The following MLKL variants were observed in gnomAD, a reference collection of about 807,000 sequenced individuals.
MLKL encodes mixed lineage kinase domain like pseudokinase.
Under a neutral mutation model 56.5 loss-of-function variants are expected in MLKL, and 55 were observed. The ratio of observed to expected loss-of-function variants is 0.97; its 90% CI spans 0.78 to 1.22. The LOEUF is 1.22. Among genes scored for constraint, MLKL ranks in the 50% most tolerant of loss-of-function variants. The pLI is 0.00. For missense variants in MLKL, 694 were observed against 573.9 expected, an observed-to-expected ratio of 1.21 and a Z score of -2.14; for synonymous variants, 251 against 208.3, an observed-to-expected ratio of 1.20 and a Z score of -1.76.
At chr16:74,687,499 G>A (rs564189904) in intron 4 of MLKL, among the ~76,000 whole-genome samples, 1 of 151,938 alleles carries the variant, frequency 6.6e-6, no homozygotes, top group African/African-American at 2.4e-5. Context: ...GGATAGCCAA[G>A]ACAGTCTTGC....
At chr16:74,693,415 C>T (rs1163009253) in intron 2 of MLKL, among the ~76,000 whole-genome samples, 1 of 133,528 alleles carries the variant, frequency 7.5e-6, no homozygotes, top group Non-Finnish European at 1.5e-5. Context: ...TTGCAGTGAG[C>T]CAAGATCGTG....
At chr16:74,691,205 C>A (rs184688125) in intron 4 of MLKL, 72 bp downstream of exon 4, 1 of 1,406,652 alleles carries the variant, frequency 7.1e-7, no homozygotes, top group Admixed American at 2.2e-5. Flanking sequence ...AAAATGGAGA[C>A]GATATCCCTC....
intron 6 of MLKL, among the ~76,000 whole-genome samples, chr16:74,681,788 C>T (rs1959987455): frequency 6.7e-6 from 1 of 150,368 alleles, no homozygotes; most frequent in Non-Finnish European, 1.5e-5. Flanking sequence ...AGGGAGACTC[C>T]ATCTCAAGAA....
At chr16:74,682,945 T>C (rs1960084427) in intron 5 of MLKL, among the ~76,000 whole-genome samples, 159 bp from the exon 6 acceptor site, 1 of 152,076 alleles carries the variant, frequency 6.6e-6, no homozygotes, top group South Asian at 2.1e-4. Context: ...CCCGGCCTCC[T>C]TGAATGGACC....
chr16:74,682,589 G>C (rs1960046194), intron 6 of MLKL, 62 bp downstream of exon 6: 2 of 1,590,514 alleles, frequency 1.3e-6, no homozygotes, highest in African/African-American at 1.3e-5. Flanking sequence ...CCATCTCTGG[G>C]AGTATCAGGA....
intron 7 of MLKL, chr16:74,678,090 C>G (rs1959714880): frequency 6.6e-6 from 1 of 152,292 alleles, no homozygotes; most frequent in Non-Finnish European, 1.5e-5. Flanking sequence ...GGCTTCTAAG[C>G]CTGGATGACC....
Position 74,685,547 on chromosome 16 carries a change from G to A in MLKL, c.759C>T (p.Thr253=), listed in dbSNP as rs373266467. 4.4e-5 allele frequency: 71 copies of A among 1,613,870 alleles called. No individual in the cohort carries two copies. Among genetic ancestry groups the A allele is most frequent in the Non-Finnish European group, 5.8e-5 (69 of 1,179,934 alleles). The change falls in exon 5 of 11, where the codon ACC becomes ACT. Residue 253 remains threonine (T), a synonymous_variant. Transcript: ENST00000308807. ...TGTTGGGAGATTCGAATTTCTTCAT[G>A]GTTTTGATCTCCTTATTGAAAGTCT... ...VRQTFNKEIK[T]MKKFESPNIL... is the part of the protein sequence containing the mutation.
chr16:74,697,030 C>CAT (rs935234446), intron 1 of MLKL, among the ~76,000 whole-genome samples: 2 of 146,334 alleles, frequency 1.4e-5, no homozygotes, highest in South Asian at 2.1e-4. Context: ...TATAGTAATA[C>CAT]ATATATATAA....
In MLKL at chr16:74,674,167, T is replaced by G. The variant is rs1484381961; in HGVS notation, c.1381+793A>C. 3.3e-5 allele frequency among the ~76,000 whole-genome samples: 5 copies of G among 151,216 alleles called. No individual in the cohort carries two copies. The South Asian group carries it at 8.4e-4, about 25-fold the overall frequency. On this transcript the variant is annotated intron_variant, in intron 10 of 10. Transcript: ENST00000308807. ...TGTTGAATAGCATTCTTTTTTTTTT[T>G]TTTTTGAGATGGAGTCTTGCCCTGT... is the stretch of plus-strand genomic sequence containing the variant.
At position 74,692,361 on chromosome 16, in the gene MLKL, G is replaced by A; in HGVS notation, c.516C>T (p.Ile172=). ...ACTTACACTGCCTCAAAGTTTCCTT[G>A]ATTTCTTTCATGTTGATTTCTAATC... is the stretch of plus-strand genomic sequence containing the variant. ...LRRLEINMKE[I]KETLRQYLPP... is the part of the protein sequence containing the mutation. Residue 172 remains isoleucine, a synonymous_variant, in exon 3 of 11, where the codon ATC becomes ATT. Coordinates refer to ENST00000308807, the MANE Select transcript of MLKL (RefSeq NM_152649.4). 2 of 1,613,458 alleles carry A rather than the reference G, an allele frequency of 1.2e-6. No individual in the cohort carries two copies. Among genetic ancestry groups the A allele is most frequent in the Non-Finnish European group, 1.7e-6 (2 of 1,179,830 alleles).
At chr16:74,676,809 A>G (rs1959623885) in intron 7 of MLKL, 1 of 152,230 alleles carries the variant, frequency 6.6e-6, no homozygotes, top group African/African-American at 2.4e-5. Context: ...GTGGACACTG[A>G]GTTCACAAAA....
At chr16:74,689,404 C>T (rs1379882952) in intron 4 of MLKL, among the ~76,000 whole-genome samples, 1 of 152,174 alleles carries the variant, frequency 6.6e-6, no homozygotes, top group Non-Finnish European at 1.5e-5. Flanking sequence ...GCGTGAGCCA[C>T]TGCACCTGGC....
At chr16:74,693,297 G>A (rs1412332992) in intron 2 of MLKL, among the ~76,000 whole-genome samples, 3 of 151,542 alleles carry the variant, frequency 2.0e-5, no homozygotes, top group South Asian at 2.1e-4. Flanking sequence ...GTGAAACCCC[G>A]TCTCTACTAA....
chr16:74,672,776 T>C (rs1959315646), intron 10 of MLKL, among the ~76,000 whole-genome samples: 1 of 152,190 alleles, frequency 6.6e-6, no homozygotes, highest in African/African-American at 2.4e-5. Context: ...TATGAATTAC[T>C]CTCTGGTGTT....
chr16:74,672,594 G>A (rs1170687720), intron 10 of MLKL, 56 bp from the exon 11 acceptor site: 4 of 1,500,324 alleles, frequency 2.7e-6, no homozygotes, highest in Non-Finnish European at 3.7e-6. Flanking sequence ...AGCCAAGTTA[G>A]AAACACAAAG....
chr16:74,682,938 G>A lies in MLKL; in HGVS notation c.821-152C>T, dbSNP rs573551365. ...TCCTCAGCCCACAGTTTTGGTCCCC[G>A]GCCTCCTTGAATGGACCAAATATGC... On this transcript the variant is annotated intron_variant, in intron 5 of 10. Coordinates refer to ENST00000308807, the MANE Select transcript of MLKL (RefSeq NM_152649.4). 128 of 883,578 alleles carry A rather than the reference G, an allele frequency of 1.4e-4. No homozygotes were observed. In the African/African-American group the frequency reaches 1.8e-3, roughly 13 times the overall value. 54.7% of individuals were successfully genotyped at this position (883,578 alleles called of 1,614,324 possible).
chr16:74,692,257 G>T, intron 3 of MLKL, 85 bp downstream of exon 3: 14 of 1,213,722 alleles, frequency 1.2e-5, no homozygotes, highest in Non-Finnish European at 1.7e-5. Flanking sequence ...GACAAATGCA[G>T]GGGTAGCGGG....
Position 74,678,964 on chromosome 16 carries a change from C to G in MLKL, c.973G>C (p.Ala325Pro), listed in dbSNP as rs758216519. 4 of 1,613,868 alleles carry G rather than the reference C, an allele frequency of 2.5e-6. No homozygotes were observed. Among genetic ancestry groups the G allele is most frequent in the Non-Finnish European group, 3.4e-6 (4 of 1,179,930 alleles). ...RGLYRLHHSE[A>P]PELHGKIRSS... ...CTGATTTTTCCGTGGAGTTCAGGTG[C>G]TTCTGAATGGTGTAGCCTGACACAG... Residue 325 changes from alanine (A) to proline (P), a missense_variant, in exon 7 of 11, where the codon GCA (alanine) becomes CCA (proline). Physicochemically the swap from Ala to Pro is conservative, Grantham distance 27 (BLOSUM62 -1). Coordinates refer to ENST00000308807, the MANE Select transcript of MLKL (RefSeq NM_152649.4).
chr16:74,686,979 G>GT (rs1229365814), intron 4 of MLKL, among the ~76,000 whole-genome samples: 1 of 152,102 alleles, frequency 6.6e-6, no homozygotes, highest in Non-Finnish European at 1.5e-5. Flanking sequence ...GTTTTGTTTT[G>GT]TTTGTTTGTT....
Sources: allele counts gnomAD v4.1 joint callset (sites outside exome capture counted in the v4.1 genomes callset), GRCh38; gene constraint gnomAD v4.1.1; transcripts MANE v1.5; gene names NCBI Gene and HGNC (gene_info 2026-07-23, HGNC 2026-07-21).